Variants in DLG2 observed in about 807,000 individuals in gnomAD.
DLG2 encodes discs large MAGUK scaffold protein 2.
A neutral mutation model predicts 132.5 loss-of-function variants in DLG2; 45 were observed. The ratio of observed to expected loss-of-function variants is 0.34; its 90% confidence interval spans 0.27 to 0.44. The LOEUF is 0.44. Among genes scored for constraint, DLG2 ranks in the 20% least tolerant of loss-of-function variants. The probability of loss-of-function intolerance (pLI) is 1.00; values close to 1 mark genes in which losing one functional copy is unlikely to be tolerated. For synonymous variants in DLG2, 424 were observed against 419.6 expected, an observed-to-expected ratio of 1.01 and a Z score of -0.13; for missense variants, 1,045 against 1,196.9, an observed-to-expected ratio of 0.87 and a Z score of 1.87.
chr11:84,487,843 A>T (rs1203956966), intron 7 of DLG2, among the ~76,000 whole-genome samples: 2 of 152,268 alleles, frequency 1.3e-5, no homozygotes, highest in Admixed American at 6.5e-5. Flanking sequence ...GGTGAAGAAA[A>T]AGGTGAAGAA....
chr11:83,856,793 A>C (rs1215202176), intron 16 of DLG2, among the ~76,000 whole-genome samples: 1 of 152,064 alleles, frequency 6.6e-6, no homozygotes, highest in African/African-American at 2.4e-5. Context: ...TACTCTGTTG[A>C]TAGTTTCTTT....
chr11:85,010,327 G>A lies in DLG2; in HGVS notation c.357+101334C>T, dbSNP rs138172812. Among the ~76,000 whole-genome samples the A allele has an allele frequency of 2.7e-4, 41 of 152,148 alleles. No homozygotes were observed. In the East Asian group the frequency reaches 7.7e-3, roughly 29 times the overall value. ...GCATCCAATAAGATAAAGACACTCT[G>A]ATGACACATTTTAAGTTCTAGTAAT... is the stretch of plus-strand genomic sequence containing the variant. On this transcript the variant is annotated intron_variant, in intron 6 of 27. Transcript: ENST00000376104.
At chr11:84,888,629 T>C (rs2088763625) in intron 6 of DLG2, among the ~76,000 whole-genome samples, 1 of 152,022 alleles carries the variant, frequency 6.6e-6, no homozygotes. Flanking sequence ...AATATACTCT[T>C]GTTCATATAT....
At chr11:83,768,978 C>T (rs1046212456) in intron 18 of DLG2, among the ~76,000 whole-genome samples, 3 of 152,152 alleles carry the variant, frequency 2.0e-5, no homozygotes, top group Non-Finnish European at 4.4e-5. Flanking sequence ...CTATCATTCA[C>T]AAAATGGGAA....
At chr11:83,867,890 T>C (rs969974850) in intron 16 of DLG2, among the ~76,000 whole-genome samples, 12 of 152,112 alleles carry the variant, frequency 7.9e-5, no homozygotes, top group African/African-American at 2.9e-4. Flanking sequence ...ACCTTTTATA[T>C]TTTAAGCGCT....
At chr11:85,180,535 G>C (rs901128415) in intron 4 of DLG2, among the ~76,000 whole-genome samples, 1 of 151,786 alleles carries the variant, frequency 6.6e-6, no homozygotes, top group Non-Finnish European at 1.5e-5. Context: ...AAAAGATTCA[G>C]CAACGAGAAA....
chr11:85,226,822 C>T (rs904365792), intron 4 of DLG2, among the ~76,000 whole-genome samples: 6 of 152,172 alleles, frequency 3.9e-5, no homozygotes, highest in African/African-American at 1.4e-4. Context: ...TACCCTATCC[C>T]TGCTCTTTTA....
Position 85,517,533 on chromosome 11 carries a change from C to T in DLG2, c.40+81124G>A, listed in dbSNP as rs566468831. Among the ~76,000 whole-genome samples, 4 of 152,092 alleles carry T rather than the reference C, an allele frequency of 2.6e-5. No homozygotes were observed. The South Asian group carries it at 8.3e-4, about 32-fold the overall frequency. On this transcript the variant is annotated intron_variant, in intron 3 of 27. Coordinates refer to ENST00000376104, the MANE Select transcript of DLG2 (RefSeq NM_001142699.3). ...GATATGATCATACACATAGAAAACCCCAAAGCTTTGGGAAACAAATTCAGT... is the reference window on the plus strand; with the variant it reads ...GATATGATCATACACATAGAAAACCTCAAAGCTTTGGGAAACAAATTCAGT...
chr11:85,180,461 G>T (rs573600986), intron 4 of DLG2, among the ~76,000 whole-genome samples: 2 of 151,720 alleles, frequency 1.3e-5, no homozygotes, highest in African/African-American at 4.8e-5. Context: ...CAGAACCAAC[G>T]ATGTTGTGTT....
At chr11:83,937,336 T>C (rs1414869441) in intron 14 of DLG2, among the ~76,000 whole-genome samples, 2 of 151,628 alleles carry the variant, frequency 1.3e-5, no homozygotes, top group Admixed American at 1.3e-4. Context: ...TGAAACCCAG[T>C]CTCTACTAAA....
At chr11:85,152,629 G>T (rs930685536) in intron 5 of DLG2, among the ~76,000 whole-genome samples, 1 of 152,164 alleles carries the variant, frequency 6.6e-6, no homozygotes, top group African/African-American at 2.4e-5. Context: ...TTAGATTAGG[G>T]TTTAGATTAG....
chr11:84,855,898 A>C (rs1054736451), intron 6 of DLG2, among the ~76,000 whole-genome samples: 1 of 152,020 alleles, frequency 6.6e-6, no homozygotes, highest in East Asian at 1.9e-4. Context: ...GAAACGTGGA[A>C]ATTTCATAGA....
chr11:85,471,552 T>C (rs566114242), intron 3 of DLG2, among the ~76,000 whole-genome samples: 70 of 152,250 alleles, frequency 4.6e-4, no homozygotes, highest in African/African-American at 1.6e-3. Context: ...AAACATAAAT[T>C]CTTGATTTGA....
chr11:85,299,271 T>G (rs1423443013), intron 3 of DLG2, among the ~76,000 whole-genome samples: 1 of 152,194 alleles, frequency 6.6e-6, no homozygotes, highest in African/African-American at 2.4e-5. Flanking sequence ...CTGGCAGAGC[T>G]GGGATAGGAA....
intron 6 of DLG2, among the ~76,000 whole-genome samples, chr11:85,023,976 C>A (rs920398181): frequency 1.3e-5 from 2 of 152,022 alleles, no homozygotes; most frequent in Non-Finnish European, 2.9e-5. Context: ...CCCTTTTGGC[C>A]ACCCCACTGT....
At chr11:84,862,817 C>G (rs1019435072) in intron 6 of DLG2, among the ~76,000 whole-genome samples, 2 of 46,176 alleles carry the variant, frequency 4.3e-5, no homozygotes, top group Admixed American at 3.3e-4. Flanking sequence ...CAGGTCCTGT[C>G]GGGGGGGGGG....
At chr11:83,475,413 C>A (rs1198553702) in intron 22 of DLG2, among the ~76,000 whole-genome samples, 1 of 152,042 alleles carries the variant, frequency 6.6e-6, no homozygotes, top group Non-Finnish European at 1.5e-5. Flanking sequence ...CCCCATTTTA[C>A]AGATGAAGAA....
chr11:84,017,640 T>C (rs2095253830), intron 11 of DLG2, among the ~76,000 whole-genome samples: 1 of 152,082 alleles, frequency 6.6e-6, no homozygotes, highest in African/African-American at 2.4e-5. Context: ...GCCTGGTGTT[T>C]CACACAAAAA....
At chr11:84,323,376 T>C (rs1310066583) in intron 7 of DLG2, among the ~76,000 whole-genome samples, 1 of 152,200 alleles carries the variant, frequency 6.6e-6, no homozygotes, top group Non-Finnish European at 1.5e-5. Flanking sequence ...AGGATTTCCT[T>C]CTTTTTTATG....
Sources: gnomAD v4.1 joint callset for allele counts (sites outside exome capture counted in the v4.1 genomes callset) on GRCh38, gnomAD v4.1.1 for gene constraint, MANE v1.5 for transcripts, NCBI Gene and HGNC (gene_info 2026-07-23, HGNC 2026-07-21) for gene names.